The following SNX14 variants were observed in gnomAD, a reference collection of about 807,000 sequenced individuals.
The protein encoded by SNX14 is sorting nexin 14.
Under a neutral mutation model 133.8 loss-of-function variants are expected in SNX14, and 93 were observed. The ratio of observed to expected loss-of-function variants is 0.70; its 90% confidence interval spans 0.59 to 0.83. SNX14 has a LOEUF of 0.83. Among genes scored for constraint, SNX14 ranks in the 40% least tolerant of loss-of-function variants. The pLI is 0.00. For missense variants in SNX14, 945 were observed against 1,094.9 expected (o/e 0.86, Z 1.93); for synonymous variants, 368 against 365.6 (o/e 1.01, Z -0.07).
intron 23 of SNX14, among the ~76,000 whole-genome samples, chr6:85,517,267 T>A (rs910714581): frequency 6.6e-6 from 1 of 152,204 alleles, no homozygotes; most frequent in Non-Finnish European, 1.5e-5. Context: ...TAGCTCCCCA[T>A]GCTGGGCACT....
At chr6:85,564,693 A>G (rs1360552773) in intron 6 of SNX14, among the ~76,000 whole-genome samples, 1 of 152,192 alleles carries the variant, frequency 6.6e-6, no homozygotes, top group African/African-American at 2.4e-5. Flanking sequence ...AGGATAAAGT[A>G]AAAATAAGGT....
intron 1 of SNX14, among the ~76,000 whole-genome samples, chr6:85,585,117 CA>C (rs1800296360): frequency 6.6e-6 from 1 of 152,098 alleles, no homozygotes; most frequent in Admixed American, 6.6e-5. Flanking sequence ...CCATCATTTT[CA>C]GCAAACTAAC....
intron 1 of SNX14, among the ~76,000 whole-genome samples, chr6:85,582,992 T>C (rs1470203458): frequency 6.6e-6 from 1 of 151,934 alleles, no homozygotes; most frequent in Non-Finnish European, 1.5e-5. Context: ...CAGGCCAATA[T>C]CCCTGATGAA....
At position 85,521,347 on chromosome 6, in the gene SNX14, G is replaced by A. The variant is rs143651408; in HGVS notation, c.2108-3299C>T. 1.7e-3 allele frequency among the ~76,000 whole-genome samples: 257 copies of A among 152,100 alleles called. 3 individuals carry two copies. The highest frequency in any genetic ancestry group is 6.0e-3 in the African/African-American group (249 of 41,496). On this transcript the variant is annotated intron_variant, in intron 21 of 28. Transcript: ENST00000314673. The stretch of plus-strand genomic sequence containing the variant: ...CTTTCTGGGCTCAAGTGATCCTCCC[G>A]CCTCAGCTTCTGGAACAACCAGGAT...
At chr6:85,564,207 T>C (rs547304973) in intron 6 of SNX14, among the ~76,000 whole-genome samples, 3 of 152,348 alleles carry the variant, frequency 2.0e-5, no homozygotes, top group Admixed American at 1.3e-4. Flanking sequence ...GTCTTTGCTA[T>C]TGTGAATAGT....
chr6:85,587,078 CTA>C (rs1801131774), intron 1 of SNX14, among the ~76,000 whole-genome samples: 2 of 152,206 alleles, frequency 1.3e-5, no homozygotes, highest in South Asian at 4.1e-4. Flanking sequence ...CAGTGTTTTT[CTA>C]TGTTGCCCAG....
At chr6:85,555,761 G>A (rs1175059865) in intron 7 of SNX14, among the ~76,000 whole-genome samples, 5 of 151,932 alleles carry the variant, frequency 3.3e-5, no homozygotes, top group East Asian at 1.9e-4. Flanking sequence ...AGGCCAAGGC[G>A]TGTGGATCAG....
chr6:85,576,345 A>G (rs75147817), intron 1 of SNX14, among the ~76,000 whole-genome samples: 2,204 of 152,272 alleles, frequency 0.014, 50 homozygotes, highest in African/African-American at 0.051. Flanking sequence ...CTAAGATTCT[A>G]TCTCCCTCAC....
chr6:85,533,019 C>A (rs1052634518), intron 18 of SNX14, among the ~76,000 whole-genome samples: 1 of 151,984 alleles, frequency 6.6e-6, no homozygotes, highest in East Asian at 1.9e-4. Context: ...CCAGAGTAGC[C>A]GGGACTACAG....
chr6:85,578,559 A>G (rs574883267), intron 1 of SNX14, among the ~76,000 whole-genome samples: 1 of 152,330 alleles, frequency 6.6e-6, no homozygotes, highest in East Asian at 1.9e-4. Context: ...AAAAGCAAAC[A>G]GCATCAATGA....
rs371318721 is a variant in SNX14 at position 85,534,831 on chromosome 6, GTT to G, written c.1609-1033_1609-1032del. ...TAGTCTACAGGGGTGAAAAGGGAAA[GTT>G]TTTTTTTTTTTTTTTAAAGAAAATC... On this transcript the variant is annotated intron_variant, in intron 17 of 28. Transcript: ENST00000314673. Among the ~76,000 whole-genome samples the G allele has an allele frequency of 1.1e-4, 15 of 141,030 alleles. No individual in the cohort carries two copies. In the East Asian group the frequency reaches 1.4e-3, roughly 13 times the overall value. The allele number at this position is 141,030 out of a possible 152,430, so 92.5% of individuals were successfully genotyped here. A position where few individuals can be genotyped will look rare whatever the true frequency, so the allele number is the denominator to read the frequency against.
chr6:85,542,313 T>C (rs1488059255), intron 14 of SNX14, among the ~76,000 whole-genome samples: 2 of 152,230 alleles, frequency 1.3e-5, no homozygotes, highest in African/African-American at 4.8e-5. Flanking sequence ...GCAGACCTAT[T>C]TGGTCCCAAT....
chr6:85,533,345 T>C lies in SNX14; in HGVS notation c.1810+254A>G, dbSNP rs116239156. On this transcript the variant is annotated intron_variant, in intron 18 of 28. Coordinates refer to ENST00000314673, the MANE Select transcript of SNX14 (RefSeq NM_153816.6). ...ACAAAACCATTAAAAGAACATTGCA[T>C]TGAATGCCTGATGGACTGTCAGGTG... Among the ~76,000 whole-genome samples, 1,490 of 152,338 alleles carry C rather than the reference T, an allele frequency of 9.8e-3. 23 individuals are homozygous for C. The highest frequency in any genetic ancestry group is 0.034 in the African/African-American group (1,400 of 41,560).
chr6:85,552,193 C>T (rs1335746263), intron 7 of SNX14, among the ~76,000 whole-genome samples: 2 of 150,884 alleles, frequency 1.3e-5, no homozygotes, highest in South Asian at 2.1e-4. Flanking sequence ...CCCGCCACTA[C>T]ACCCGGCTAA....
intron 1 of SNX14, among the ~76,000 whole-genome samples, chr6:85,587,888 C>T (rs550698807): frequency 6.6e-6 from 1 of 152,060 alleles, no homozygotes; most frequent in African/African-American, 2.4e-5. Context: ...AATAAAAGGC[C>T]CCTGGCCCAA....
intron 23 of SNX14, among the ~76,000 whole-genome samples, chr6:85,516,632 CTTTTT>C (rs746721196): frequency 1.7e-4 from 21 of 126,442 alleles, no homozygotes; most frequent in East Asian, 9.0e-4. Context: ...CTTCCTTAAT[CTTTTT>C]TTTTTTTTTT....
At chr6:85,521,260 G>T (rs996880198) in intron 21 of SNX14, among the ~76,000 whole-genome samples, 3 of 152,048 alleles carry the variant, frequency 2.0e-5, no homozygotes, top group African/African-American at 7.2e-5. Flanking sequence ...TAGAGAAAGG[G>T]TCTCACTCTG....
At chr6:85,520,215 G>T in intron 21 of SNX14, among the ~76,000 whole-genome samples, 1 of 150,538 alleles carries the variant, frequency 6.6e-6, no homozygotes, top group East Asian at 2.0e-4. Context: ...GCTAATTTTT[G>T]TATTTTTAGT....
intron 20 of SNX14, among the ~76,000 whole-genome samples, chr6:85,526,684 C>T (rs566861481): frequency 3.8e-4 from 58 of 152,102 alleles, no homozygotes; most frequent in African/African-American, 1.1e-3. Flanking sequence ...TTTTAAAAGT[C>T]GGCATAAAGG....
Sources: gnomAD v4.1 joint callset for allele counts (sites outside exome capture counted in the v4.1 genomes callset) on GRCh38, gnomAD v4.1.1 for gene constraint, MANE v1.5 for transcripts, NCBI Gene and HGNC (gene_info 2026-07-23, HGNC 2026-07-21) for gene names.